Variants in RNF19A observed in about 807,000 individuals in gnomAD.
RNF19A encodes ring finger protein 19A, RBR E3 ubiquitin protein ligase.
A neutral mutation model predicts 75.7 loss-of-function variants in RNF19A; 32 were observed. The observed-to-expected ratio is 0.42, with a 90% CI of 0.32 to 0.57. The LOEUF is 0.57. Ranked by LOEUF, RNF19A falls within the 20% of genes least tolerant of loss-of-function variation. RNF19A has a pLI of 0.10. For synonymous variants in RNF19A, 335 were observed against 345.2 expected, an observed-to-expected ratio of 0.97 and a Z score of 0.33; for missense variants, 782 against 1,036.3, an observed-to-expected ratio of 0.75 and a Z score of 3.37.
chr8:100,281,902 A>C (rs921479246), intron 2 of RNF19A, among the ~76,000 whole-genome samples: 1 of 152,214 alleles, frequency 6.6e-6, no homozygotes, highest in Non-Finnish European at 1.5e-5. Flanking sequence ...AAAAGGAATG[A>C]CTTACTTAAT....
intron 1 of RNF19A, among the ~76,000 whole-genome samples, chr8:100,306,505 A>T (rs1416605172): frequency 2.0e-5 from 3 of 152,226 alleles, no homozygotes; most frequent in Non-Finnish European, 4.4e-5. Context: ...TATCAATAAA[A>T]ATAATTCTTC....
intron 5 of RNF19A, among the ~76,000 whole-genome samples, chr8:100,266,808 T>C (rs951534535): frequency 6.6e-6 from 1 of 152,312 alleles, no homozygotes; most frequent in Admixed American, 6.5e-5. Flanking sequence ...CCACCACACA[T>C]GGCCCAACAT....
intron 1 of RNF19A, among the ~76,000 whole-genome samples, chr8:100,305,033 T>C (rs1053463529): frequency 6.6e-6 from 1 of 152,136 alleles, no homozygotes; most frequent in Non-Finnish European, 1.5e-5. Context: ...CCTCCCAAGT[T>C]CAAGCAATTC....
At chr8:100,272,318 A>T (rs1303212497) in intron 3 of RNF19A, among the ~76,000 whole-genome samples, 6 of 152,130 alleles carry the variant, frequency 3.9e-5, no homozygotes, top group African/African-American at 1.4e-4. Flanking sequence ...TTATAAACAC[A>T]AATATTAATG....
At chr8:100,315,470 G>A (rs1245407897) in intron 1 of RNF19A, among the ~76,000 whole-genome samples, 1 of 152,208 alleles carries the variant, frequency 6.6e-6, no homozygotes, top group African/African-American at 2.4e-5. Context: ...CTGGCTTAGG[G>A]AGGCAGTCTG....
intron 1 of RNF19A, among the ~76,000 whole-genome samples, chr8:100,327,541 G>A (rs1169305936): frequency 6.6e-6 from 1 of 152,154 alleles, no homozygotes; most frequent in Non-Finnish European, 1.5e-5. Flanking sequence ...GTGAGCCACT[G>A]TGCCTGGCCA....
upstream of RNF19A, among the ~76,000 whole-genome samples, chr8:100,310,616 C>T (rs566343866): frequency 5.9e-5 from 9 of 152,334 alleles, no homozygotes; most frequent in South Asian, 4.1e-4. Context: ...ATGTCCTTTC[C>T]CAGAGGACGG....
chr8:100,261,468 A>G lies in RNF19A; in HGVS notation c.1682+74T>C, dbSNP rs959403605. ...GGGTTATATATAATCATCATGCTTT[A>G]TGTTCAAAATTCTCACCTAATTAAT... is the stretch of plus-strand genomic sequence containing the variant. On this transcript the variant is annotated intron_variant, in intron 8 of 9. Transcript: ENST00000341084. This position sits in a 1 kb window ranked among gnomAD's most constrained non-coding sequence, Gnocchi z 4.4. 2.4e-6 allele frequency: 3 copies of G among 1,238,418 alleles called. No individual in the cohort carries two copies. The highest frequency in any genetic ancestry group is 3.6e-6 in the Non-Finnish European group (3 of 844,984). 76.7% of individuals were successfully genotyped at this position (1,238,418 alleles called of 1,614,324 possible).
At chr8:100,281,143 T>C (rs1166650640) in intron 2 of RNF19A, among the ~76,000 whole-genome samples, 2 of 152,118 alleles carry the variant, frequency 1.3e-5, no homozygotes, top group Non-Finnish European at 2.9e-5. Flanking sequence ...CAGCTGAAGG[T>C]CTCTAGGTAC....
At chr8:100,278,161 T>C (rs1411971446) in intron 2 of RNF19A, among the ~76,000 whole-genome samples, 1 of 152,266 alleles carries the variant, frequency 6.6e-6, no homozygotes, top group Admixed American at 6.5e-5. Flanking sequence ...AGCCTCAGTA[T>C]TCAGCCAAAA....
intron 1 of RNF19A, among the ~76,000 whole-genome samples, chr8:100,289,742 A>G (rs1395860107): frequency 6.6e-6 from 1 of 152,204 alleles, no homozygotes; most frequent in Admixed American, 6.5e-5. Flanking sequence ...ACAATATCAA[A>G]TTGGAACACA....
Position 100,288,237 on chromosome 8 carries a change from C to T in RNF19A, c.-63G>A. The T allele has an allele frequency of 1.1e-5, 16 of 1,465,064 alleles. No individual in the cohort carries two copies. The highest frequency in any genetic ancestry group is 2.8e-5 in the African/African-American group (2 of 71,024). The allele number at this position is 1,465,064 out of a possible 1,614,324, so 90.8% of individuals were successfully genotyped here. ...TCCTTCAGAGAATTCTTGAAAAGTT[C>T]GATTTACAGAAGACTGCTATCATGG... is the stretch of plus-strand genomic sequence containing the variant. On this transcript the variant is annotated 5_prime_UTR_variant, in exon 2 of 10. Coordinates refer to ENST00000341084, the MANE Select transcript of RNF19A (RefSeq NM_183419.4).
intron 1 of RNF19A, among the ~76,000 whole-genome samples, chr8:100,290,042 CCAAA>C (rs948037622): frequency 3.9e-5 from 6 of 152,102 alleles, no homozygotes; most frequent in African/African-American, 1.4e-4. Context: ...ATAAAAAGTT[CCAAA>C]CAGAGAGAAT....
Position 100,323,018 on chromosome 8 carries a change from T to C in RNF19A, c.-242-9646A>G, listed in dbSNP as rs921331161. On this transcript the variant is annotated intron_variant, in intron 1 of 3. Transcript: ENST00000519527. This position sits in a 1 kb window ranked among gnomAD's most constrained non-coding sequence, Gnocchi z 4.6. ...ACTACCAAAATACGACACAGAGGCATGAAATGAGCACAGGCTGCCGAAAAA... is the reference window on the plus strand; with the variant it reads ...ACTACCAAAATACGACACAGAGGCACGAAATGAGCACAGGCTGCCGAAAAA... Among the ~76,000 whole-genome samples, 1 of 152,120 alleles carries C rather than the reference T, an allele frequency of 6.6e-6. No individual in the cohort carries two copies. Among genetic ancestry groups the C allele is most frequent in the African/African-American group, 2.4e-5 (1 of 41,416 alleles).
intron 2 of RNF19A, among the ~76,000 whole-genome samples, chr8:100,281,253 C>G (rs1417639698): frequency 2.0e-5 from 3 of 152,172 alleles, no homozygotes; most frequent in Non-Finnish European, 1.5e-5. Context: ...ATCTTCTGTT[C>G]ACTGCATTGT....
intron 1 of RNF19A, among the ~76,000 whole-genome samples, chr8:100,319,528 CTT>C (rs774604135): frequency 0.072 from 8,732 of 121,714 alleles, 684 homozygotes; most frequent in African/African-American, 0.25. Context: ...ATCTGGTTCA[CTT>C]TTTTTTTTTT....
chr8:100,287,824 A>T lies in RNF19A; in HGVS notation c.351T>A (p.Asn117Lys). Residue 117 changes from asparagine to lysine, a missense_variant, in exon 2 of 10, where the codon AAT (asparagine) becomes AAA (lysine). Asn to Lys is a moderately conservative substitution (Grantham distance 94, BLOSUM62 0). Around this residue, in one of 7 missense-constraint regions of RNF19A, gnomAD observed 148 missense variants for 147.9 expected, o/e 1.00. Coordinates refer to ENST00000341084, the MANE Select transcript of RNF19A (RefSeq NM_183419.4). The surrounding 1 kb of genome is among the most constrained non-coding windows in gnomAD (Gnocchi z 4.1). ...SIFSTNTSSD[N>K]GLTSISKQIG... is the part of the protein sequence containing the mutation. ...TTTGTTTGCTGATGGAAGTTAATCC[A>T]TTGTCAGAAGAGGTATTTGTAGAGA... 1 of 1,614,210 alleles carries T rather than the reference A, an allele frequency of 6.2e-7. No homozygotes were observed. Among genetic ancestry groups the T allele is most frequent in the Non-Finnish European group, 8.5e-7 (1 of 1,180,022 alleles).
At position 100,287,524 on chromosome 8, in the gene RNF19A, C is replaced by T. The variant is rs1821079940; in HGVS notation, c.651G>A (p.Arg217=). 6.2e-7 allele frequency: 1 copy of T among 1,612,804 alleles called. No homozygotes were observed. Among genetic ancestry groups the T allele is most frequent in the African/African-American group, 1.3e-5 (1 of 74,902 alleles). The change falls in exon 2 of 10, where the codon AGG becomes AGA. Residue 217 remains arginine, a synonymous_variant. Coordinates refer to ENST00000341084, the MANE Select transcript of RNF19A (RefSeq NM_183419.4). This position sits in a 1 kb window ranked among gnomAD's most constrained non-coding sequence, Gnocchi z 4.1. ...ACCCACAGTCTGGAGCTGGACACCA[C>T]CTACAATCAGGATCTGCAACAAGCC... is the stretch of plus-strand genomic sequence containing the variant. ...RRWLVADPDC[R]WCPAPDCGYA...
chr8:100,312,488 TGAGGCAG>T (rs1822314728), upstream of RNF19A: 1 of 152,292 alleles, frequency 6.6e-6, no homozygotes, highest in South Asian at 2.1e-4. Flanking sequence ...TCCAGGGGGC[TGAGGCAG>T]GAGGATCATC....
Sources: allele counts gnomAD v4.1 joint callset (sites outside exome capture counted in the v4.1 genomes callset), GRCh38; gene constraint gnomAD v4.1.1; regional missense constraint gnomAD v4.1.1; non-coding constraint Gnocchi (gnomAD v3.1); transcripts MANE v1.5; gene names NCBI Gene and HGNC (gene_info 2026-07-23, HGNC 2026-07-21).